PTCSC3: variants seen among roughly 807,000 people sequenced by gnomAD.
The protein encoded by PTCSC3 is papillary thyroid carcinoma susceptibility candidate 3.
intron 3 of PTCSC3, among the ~76,000 whole-genome samples, chr14:36,141,272 A>G (rs1881414090): frequency 6.6e-6 from 1 of 152,172 alleles, no homozygotes; most frequent in East Asian, 1.9e-4. Context: ...TTCACAAAAC[A>G]GCTTGCTAGG....
chr14:36,141,017 T>A lies in PTCSC3; in HGVS notation n.323-4661A>T, dbSNP rs1594443473. ...CTTTTCTCCACTGGATTGCCTCTAC[T>A]CCTGTCAGAGGTCAGTTGACTGTAT... On this transcript the variant is annotated intron_variant and non_coding_transcript_variant, in intron 3 of 3. Transcript: ENST00000556013. Among the ~76,000 whole-genome samples, 3 of 152,190 alleles carry A rather than the reference T, an allele frequency of 2.0e-5. No individual in the cohort carries two copies. In the South Asian group the frequency reaches 6.2e-4, roughly 32 times the overall value.
intron 3 of PTCSC3, among the ~76,000 whole-genome samples, chr14:36,142,412 A>G (rs562388130): frequency 6.6e-6 from 1 of 152,288 alleles, no homozygotes; most frequent in African/African-American, 2.4e-5. Context: ...TAACACCTGT[A>G]TTCATGAGAT....
chr14:36,142,264 A>AT (rs1881440805), intron 3 of PTCSC3, among the ~76,000 whole-genome samples: 1 of 152,172 alleles, frequency 6.6e-6, no homozygotes, highest in Non-Finnish European at 1.5e-5. Context: ...CTTTTGCTGC[A>AT]TTTATTGATA....
chr14:36,141,971 A>G (rs753822415), intron 3 of PTCSC3, among the ~76,000 whole-genome samples: 6 of 152,194 alleles, frequency 3.9e-5, no homozygotes, highest in African/African-American at 7.2e-5. Flanking sequence ...ATATGTGAAC[A>G]AAGACAGTTT....
rs182472673 is a variant in PTCSC3 at position 36,150,711 on chromosome 14, C to T, written n.322+3093G>A. ...CGATTAAAAAATTTTTAGGCCTTGA[C>T]CTAGAGTTTTCAATATATATTTACA... On this transcript the variant is annotated intron_variant and non_coding_transcript_variant, in intron 3 of 3. Coordinates refer to ENST00000556013, the Ensembl canonical transcript of PTCSC3. Among the ~76,000 whole-genome samples, 358 of 152,168 alleles carry T rather than the reference C, an allele frequency of 2.4e-3. 1 individual carries two copies. Among genetic ancestry groups the T allele is most frequent in the Middle Eastern group, 0.01 (3 of 292 alleles).
intron 1 of PTCSC3, among the ~76,000 whole-genome samples, chr14:36,165,573 G>A (rs770862547): frequency 6.6e-6 from 1 of 151,926 alleles, no homozygotes; most frequent in Non-Finnish European, 1.5e-5. Flanking sequence ...TTTAAGGATG[G>A]GTCAAAAAGA....
intron 3 of PTCSC3, among the ~76,000 whole-genome samples, chr14:36,142,599 C>G (rs1881449132): frequency 6.6e-6 from 1 of 151,548 alleles, no homozygotes; most frequent in African/African-American, 2.4e-5. Context: ...ACCAGTGAGA[C>G]TATCTGGGCC....
intron 3 of PTCSC3, among the ~76,000 whole-genome samples, chr14:36,146,809 C>T (rs928391252): frequency 7.2e-5 from 11 of 152,144 alleles, no homozygotes; most frequent in African/African-American, 2.2e-4. Flanking sequence ...ACTGGTTGTT[C>T]CTTTCCATAT....
At position 36,139,516 on chromosome 14, in the gene PTCSC3, C is replaced by A. The variant is rs974553448; in HGVS notation, n.323-3160G>T. On this transcript the variant is annotated intron_variant and non_coding_transcript_variant, in intron 3 of 3. Coordinates refer to ENST00000556013, the Ensembl canonical transcript of PTCSC3. Reference sequence around the variant, plus strand: ...GATCTGAGCCACCATCACCCTGCAACTGGATGATTATGAGAGCCTCCCAGC... The same window carrying A: ...GATCTGAGCCACCATCACCCTGCAAATGGATGATTATGAGAGCCTCCCAGC... 3.9e-5 allele frequency among the ~76,000 whole-genome samples: 6 copies of A among 152,252 alleles called. No homozygotes were observed. The East Asian group carries it at 1.2e-3, about 29-fold the overall frequency.
At chr14:36,175,274 C>T (rs1035808634) in intron 1 of PTCSC3, among the ~76,000 whole-genome samples, 1 of 152,200 alleles carries the variant, frequency 6.6e-6, no homozygotes, top group South Asian at 2.1e-4. Context: ...ACCTCATGCA[C>T]TTCCCTTCTC....
intron 3 of PTCSC3, among the ~76,000 whole-genome samples, chr14:36,151,304 G>A (rs1301712679): frequency 1.3e-5 from 2 of 151,364 alleles, no homozygotes; most frequent in East Asian, 1.9e-4. Flanking sequence ...CTGCCCTCTG[G>A]CTTTTTTCAA....
At chr14:36,142,524 T>A (rs1367720895) in intron 3 of PTCSC3, among the ~76,000 whole-genome samples, 1 of 152,230 alleles carries the variant, frequency 6.6e-6, no homozygotes, top group Non-Finnish European at 1.5e-5. Flanking sequence ...TCCCTCTGCT[T>A]CTGTTTTCTG....
At chr14:36,149,661 AATT>A (rs2139096311) in intron 3 of PTCSC3, among the ~76,000 whole-genome samples, 2 of 152,312 alleles carry the variant, frequency 1.3e-5, no homozygotes, top group South Asian at 2.1e-4. Context: ...AATACACATT[AATT>A]ATTATGTCTT....
chr14:36,158,154 C>T (rs1040148670), intron 2 of PTCSC3, among the ~76,000 whole-genome samples: 3 of 152,172 alleles, frequency 2.0e-5, no homozygotes, highest in Non-Finnish European at 4.4e-5. Context: ...AGATTTTGGG[C>T]TGAGATGATG....
chr14:36,167,789 A>T (rs1032868846), intron 1 of PTCSC3, among the ~76,000 whole-genome samples: 1 of 152,166 alleles, frequency 6.6e-6, no homozygotes, highest in African/African-American at 2.4e-5. Context: ...GTCAGAGGGG[A>T]AAAAACGCTC....
intron 1 of PTCSC3, among the ~76,000 whole-genome samples, chr14:36,163,119 A>G (rs1160032286): frequency 6.6e-6 from 1 of 152,032 alleles, no homozygotes; most frequent in Admixed American, 6.5e-5. Context: ...GGTAGGTGGT[A>G]CACACCTACA....
chr14:36,172,946 G>GT (rs143273390), intron 1 of PTCSC3, among the ~76,000 whole-genome samples: 13,781 of 146,840 alleles, frequency 0.094, 741 homozygotes, highest in Middle Eastern at 0.19. Context: ...AACTTGCTTT[G>GT]TTTTTTTTTT....
intron 2 of PTCSC3, among the ~76,000 whole-genome samples, chr14:36,159,959 A>T (rs1476446366): frequency 6.6e-6 from 1 of 152,098 alleles, no homozygotes; most frequent in African/African-American, 2.4e-5. Flanking sequence ...TGTTGAATTG[A>T]TCCCTTTACC....
chr14:36,170,475 A>G (rs182735167), intron 1 of PTCSC3, among the ~76,000 whole-genome samples: 55 of 152,286 alleles, frequency 3.6e-4, no homozygotes, highest in African/African-American at 1.2e-3. Flanking sequence ...ACTATATACC[A>G]TATTTTTTCA....
Sources: allele counts gnomAD v4.1 joint callset (sites outside exome capture counted in the v4.1 genomes callset), GRCh38; gene constraint gnomAD v4.1.1; transcripts MANE v1.5; gene names NCBI Gene and HGNC (gene_info 2026-07-23, HGNC 2026-07-21).